Variants in MIR2052HG observed in about 807,000 individuals in gnomAD.
MIR2052HG encodes MIR2052 host gene.
chr8:74,628,334 T>C (rs1337859096), intron 2 of MIR2052HG, among the ~76,000 whole-genome samples: 1 of 152,104 alleles, frequency 6.6e-6, no homozygotes, highest in Non-Finnish European at 1.5e-5. Flanking sequence ...AAAACATAAC[T>C]ACCTCGAGAA....
At chr8:74,741,390 T>G (rs1248246865) in intron 4 of MIR2052HG, among the ~76,000 whole-genome samples, 1 of 152,210 alleles carries the variant, frequency 6.6e-6, no homozygotes, top group African/African-American at 2.4e-5. Flanking sequence ...TGCAGAGCAG[T>G]TAGCACTAGC....
chr8:74,745,799 T>G (rs1224015999), intron 4 of MIR2052HG, among the ~76,000 whole-genome samples: 1 of 152,032 alleles, frequency 6.6e-6, no homozygotes, highest in Non-Finnish European at 1.5e-5. Context: ...GGGTACAGAG[T>G]AAGTATAGAT....
At chr8:74,720,128 C>T (rs868597151) in intron 4 of MIR2052HG, among the ~76,000 whole-genome samples, 10 of 152,126 alleles carry the variant, frequency 6.6e-5, no homozygotes, top group African/African-American at 2.2e-4. Flanking sequence ...GGATTACAGG[C>T]GTGAGCCACC....
intron 2 of MIR2052HG, among the ~76,000 whole-genome samples, chr8:74,653,065 C>G (rs1402466821): frequency 6.6e-6 from 1 of 151,974 alleles, no homozygotes; most frequent in Admixed American, 6.6e-5. Flanking sequence ...TTTTTTTCCC[C>G]CTTTTCCCTA....
At chr8:74,608,472 A>C (rs893976692) in intron 1 of MIR2052HG, among the ~76,000 whole-genome samples, 1 of 152,192 alleles carries the variant, frequency 6.6e-6, no homozygotes, top group Admixed American at 6.5e-5. Context: ...GACCTTATTG[A>C]CCTACAAAGA....
At chr8:74,679,467 AC>A (rs1391362077) in intron 2 of MIR2052HG, among the ~76,000 whole-genome samples, 1 of 151,674 alleles carries the variant, frequency 6.6e-6, no homozygotes, top group Non-Finnish European at 1.5e-5. Context: ...GTGTATATGT[AC>A]CACATTTTCT....
rs371938213 is a variant in MIR2052HG at position 74,729,632 on chromosome 8, G to C, written n.372-22809G>C. On this transcript the variant is annotated intron_variant and non_coding_transcript_variant, in intron 4 of 6. Transcript: ENST00000523442. ...AGACATTTGAAGGCTTTGTGTTTGA[G>C]ATTGGAAGTGTTGGAAGGAACATGA... Among the ~76,000 whole-genome samples the C allele has an allele frequency of 7.9e-4, 120 of 152,250 alleles. 1 individual carries two copies. The highest frequency in any genetic ancestry group is 6.8e-3 in the Middle Eastern group (2 of 294).
At chr8:74,658,346 T>C (rs1808827545) in intron 2 of MIR2052HG, among the ~76,000 whole-genome samples, 1 of 152,142 alleles carries the variant, frequency 6.6e-6, no homozygotes, top group Admixed American at 6.5e-5. Flanking sequence ...CAGGGATTGT[T>C]GTCTTGTCTG....
intron 2 of MIR2052HG, among the ~76,000 whole-genome samples, chr8:74,683,867 T>G (rs1477568435): frequency 6.6e-6 from 1 of 152,126 alleles, no homozygotes; most frequent in East Asian, 1.9e-4. Flanking sequence ...TGTTTTATTT[T>G]GATGACCCTG....
intron 4 of MIR2052HG, among the ~76,000 whole-genome samples, chr8:74,746,892 A>G (rs192998485): frequency 3.9e-5 from 6 of 152,266 alleles, no homozygotes; most frequent in African/African-American, 7.2e-5. Context: ...AGAAAAAAAG[A>G]GACTAGCAAA....
chr8:74,665,053 A>T (rs1489065939), intron 2 of MIR2052HG, among the ~76,000 whole-genome samples: 3 of 152,020 alleles, frequency 2.0e-5, no homozygotes, highest in African/African-American at 7.3e-5. Context: ...CTTCTGTTAC[A>T]ACTTTCTTTT....
chr8:74,646,855 G>A (rs1278858504), intron 2 of MIR2052HG, among the ~76,000 whole-genome samples: 1 of 152,160 alleles, frequency 6.6e-6, no homozygotes, highest in Non-Finnish European at 1.5e-5. Context: ...TTGAGCCTGG[G>A]AGGTACAGGC....
chr8:74,628,254 T>C (rs956569825), intron 2 of MIR2052HG, among the ~76,000 whole-genome samples: 2 of 152,154 alleles, frequency 1.3e-5, no homozygotes, highest in African/African-American at 2.4e-5. Context: ...CAGGAACTCT[T>C]TGGACAAAAG....
At chr8:74,602,892 A>C (rs1262920146) in intron 1 of MIR2052HG, among the ~76,000 whole-genome samples, 2 of 29,364 alleles carry the variant, frequency 6.8e-5, no homozygotes, top group Non-Finnish European at 1.2e-4. Flanking sequence ...ATTCACAAAG[A>C]AAAAGCTCCA....
intron 2 of MIR2052HG, among the ~76,000 whole-genome samples, chr8:74,614,262 G>T (rs957990110): frequency 1.3e-5 from 2 of 152,126 alleles, no homozygotes; most frequent in Non-Finnish European, 2.9e-5. Context: ...GATAATCTTT[G>T]TTGGCCTTTT....
intron 2 of MIR2052HG, among the ~76,000 whole-genome samples, chr8:74,655,100 T>A (rs1808791004): frequency 6.6e-6 from 1 of 152,086 alleles, no homozygotes; most frequent in African/African-American, 2.4e-5. Flanking sequence ...GGGTATCTGG[T>A]GAAAGAAATC....
intron 1 of MIR2052HG, among the ~76,000 whole-genome samples, chr8:74,600,525 T>C (rs1807981457): frequency 6.8e-6 from 1 of 147,186 alleles, no homozygotes. Context: ...GAGGTTGTGG[T>C]GAGCTGCATT....
intron 2 of MIR2052HG, among the ~76,000 whole-genome samples, chr8:74,676,696 G>T (rs1258419397): frequency 6.6e-6 from 1 of 151,894 alleles, no homozygotes; most frequent in Non-Finnish European, 1.5e-5. Flanking sequence ...TGAGAATAAA[G>T]ATGAATAAGT....
intron 2 of MIR2052HG, among the ~76,000 whole-genome samples, chr8:74,652,214 G>A (rs1406746575): frequency 6.6e-6 from 1 of 152,168 alleles, no homozygotes; most frequent in Non-Finnish European, 1.5e-5. Flanking sequence ...CAAAGTATTT[G>A]ATAGTCCTGC....
Sources: allele counts gnomAD v4.1 joint callset (sites outside exome capture counted in the v4.1 genomes callset), GRCh38; gene constraint gnomAD v4.1.1; transcripts MANE v1.5; gene names NCBI Gene and HGNC (gene_info 2026-07-23, HGNC 2026-07-21).